WDFY1: variants seen among roughly 807,000 people sequenced by gnomAD.
WDFY1 encodes WD repeat and FYVE domain-containing protein 1.
In WDFY1, 32 loss-of-function variants were observed where a neutral mutation model predicts 56.4. That is an observed-to-expected ratio of 0.57 (90% CI 0.43 to 0.76). WDFY1 has a LOEUF of 0.76. WDFY1 is among the 30% of genes least tolerant of loss of function. The probability of loss-of-function intolerance (pLI) is 0.00; values close to 1 mark genes in which losing one functional copy is unlikely to be tolerated. For missense variants in WDFY1, 480 were observed against 545.7 expected (o/e 0.88, Z 1.20); for synonymous variants, 192 against 197.3 (o/e 0.97, Z 0.23).
At chr2:223,928,758 T>C (rs946658317) in intron 1 of WDFY1, among the ~76,000 whole-genome samples, 2 of 152,228 alleles carry the variant, frequency 1.3e-5, no homozygotes, top group African/African-American at 4.8e-5. Context: ...GAGGCTTCAG[T>C]TGTCCATCGC....
At chr2:223,942,696 C>T (rs1689329692) in intron 1 of WDFY1, among the ~76,000 whole-genome samples, 4 of 136,994 alleles carry the variant, frequency 2.9e-5, no homozygotes, top group Non-Finnish European at 4.7e-5. Flanking sequence ...CCACCGCGCC[C>T]GGCTAATTTT....
In WDFY1 at chr2:223,880,139, G is replaced by A. The variant is rs139215571; in HGVS notation, c.1158C>T (p.Thr386=). Residue 386 remains threonine, a synonymous_variant, in exon 11 of 12, where the codon ACC becomes ACT. Coordinates refer to ENST00000233055, the MANE Select transcript of WDFY1 (RefSeq NM_020830.5). ...GCCAGCTTACCTTTACAATGCGGTCGGTCCCACAGGTCACCATCAGTCCCC... is the reference window on the plus strand; with the variant it reads ...GCCAGCTTACCTTTACAATGCGGTCAGTCCCACAGGTCACCATCAGTCCCC... ...IARGLMVTCG[T]DRIVKIWDMT... 386 of 1,613,936 alleles carry A rather than the reference G, an allele frequency of 2.4e-4. 1 individual carries two copies. The Admixed American group carries it at 2.9e-3, about 12-fold the overall frequency.
chr2:223,893,904 G>GGACCGCTA (rs1693318767), intron 8 of WDFY1, among the ~76,000 whole-genome samples: 1 of 152,202 alleles, frequency 6.6e-6, no homozygotes, highest in Admixed American at 6.5e-5. Flanking sequence ...GACCACAATG[G>GGACCGCTA]TGCTTCGGAG....
At chr2:223,880,623 A>G (rs2396031) in intron 10 of WDFY1, among the ~76,000 whole-genome samples, 5 of 133,362 alleles carry the variant, frequency 3.7e-5, no homozygotes, top group South Asian at 2.5e-4. Flanking sequence ...AAAAAAAAAA[A>G]AAAAGTAAAT....
At chr2:223,929,937 G>A (rs2106099657) in intron 1 of WDFY1, among the ~76,000 whole-genome samples, 1 of 152,298 alleles carries the variant, frequency 6.6e-6, no homozygotes, top group East Asian at 1.9e-4. Flanking sequence ...TGGTAAGTAA[G>A]TAAAACTTTT....
chr2:223,885,088 G>T (rs1693150418), intron 8 of WDFY1, among the ~76,000 whole-genome samples: 1 of 151,916 alleles, frequency 6.6e-6, no homozygotes, highest in African/African-American at 2.4e-5. Flanking sequence ...AAAGTGCTGG[G>T]ATTATAAGCA....
At chr2:223,923,709 C>T (rs1325911909) in intron 1 of WDFY1, among the ~76,000 whole-genome samples, 4 of 151,788 alleles carry the variant, frequency 2.6e-5, no homozygotes, top group Non-Finnish European at 2.9e-5. Flanking sequence ...TGCAGTGAGC[C>T]GAGATCGCGC....
intron 7 of WDFY1, 90 bp downstream of exon 7, chr2:223,895,414 T>C: frequency 6.3e-7 from 1 of 1,586,184 alleles, no homozygotes; most frequent in Non-Finnish European, 8.6e-7. Flanking sequence ...GAACGTGGGG[T>C]TTGCAGAAAG....
chr2:223,944,041 T>C lies in WDFY1; in HGVS notation c.137+1107A>G, dbSNP rs574418613. ...ATGTTAGTTTTCCTAATAAATAAGA[T>C]TTCCTTTTAAAATAAATGCATCCAA... is the stretch of plus-strand genomic sequence containing the variant. On this transcript the variant is annotated intron_variant, in intron 1 of 11. Coordinates refer to ENST00000233055, the MANE Select transcript of WDFY1 (RefSeq NM_020830.5). Among the ~76,000 whole-genome samples, 6 of 152,384 alleles carry C rather than the reference T, an allele frequency of 3.9e-5. No individual in the cohort carries two copies. In the East Asian group the frequency reaches 9.6e-4, roughly 24 times the overall value.
intron 8 of WDFY1, among the ~76,000 whole-genome samples, chr2:223,886,210 A>C (rs1456054292): frequency 6.6e-6 from 1 of 151,850 alleles, no homozygotes; most frequent in Non-Finnish European, 1.5e-5. Context: ...GTGGTGGCAC[A>C]CACCTGTAAT....
At chr2:223,936,509 T>A (rs767341533) in intron 1 of WDFY1, among the ~76,000 whole-genome samples, 4 of 152,202 alleles carry the variant, frequency 2.6e-5, no homozygotes, top group Non-Finnish European at 4.4e-5. Flanking sequence ...AGCCAGTTAA[T>A]AGGCTTTGAA....
At chr2:223,896,649 A>G (rs1191664951) in intron 6 of WDFY1, among the ~76,000 whole-genome samples, 1 of 152,220 alleles carries the variant, frequency 6.6e-6, no homozygotes, top group Non-Finnish European at 1.5e-5. Flanking sequence ...AAACTGAACC[A>G]GCCACACAAG....
At chr2:223,886,849 G>C (rs894277569) in intron 8 of WDFY1, among the ~76,000 whole-genome samples, 1 of 151,316 alleles carries the variant, frequency 6.6e-6, no homozygotes, top group Non-Finnish European at 1.5e-5. Context: ...TGGTTTGAAC[G>C]ATGGGTGCCC....
chr2:223,889,379 T>C (rs961692889), intron 8 of WDFY1, among the ~76,000 whole-genome samples: 5 of 152,150 alleles, frequency 3.3e-5, no homozygotes, highest in African/African-American at 1.2e-4. Flanking sequence ...TTATCCACTG[T>C]TATGGTCTGG....
rs370328345 is a variant in WDFY1, at chr2:223,940,606, C to T, written c.137+4542G>A. Among the ~76,000 whole-genome samples, 62 of 151,578 alleles carry T rather than the reference C, an allele frequency of 4.1e-4. 2 individuals carry two copies. The South Asian group carries it at 0.013, about 32-fold the overall frequency. On this transcript the variant is annotated intron_variant, in intron 1 of 11. Coordinates refer to ENST00000233055, the MANE Select transcript of WDFY1 (RefSeq NM_020830.5). ...TGTTTTGAACTCTTTGATGGTTCTA[C>T]ACTGCCTGCAAAATAAGGTCCAAAT...
chr2:223,928,152 G>C (rs557779908), intron 1 of WDFY1, among the ~76,000 whole-genome samples: 1 of 152,170 alleles, frequency 6.6e-6, no homozygotes, highest in Non-Finnish European at 1.5e-5. Context: ...TTGGAATATT[G>C]CAAGAATTAC....
At chr2:223,895,180 A>G (rs1693344009) in intron 7 of WDFY1, among the ~76,000 whole-genome samples, 1 of 152,202 alleles carries the variant, frequency 6.6e-6, no homozygotes, top group South Asian at 2.1e-4. Context: ...CCTCACCTGC[A>G]TCTCTATCCT....
intron 5 of WDFY1, among the ~76,000 whole-genome samples, chr2:223,900,580 T>A (rs1693490157): frequency 6.6e-6 from 1 of 152,088 alleles, no homozygotes; most frequent in South Asian, 2.1e-4. Flanking sequence ...TTTTTAGCAT[T>A]TTGGGGGATC....
chr2:223,914,132 G>C (rs1252455980), intron 2 of WDFY1, among the ~76,000 whole-genome samples: 2 of 150,642 alleles, frequency 1.3e-5, no homozygotes, highest in Non-Finnish European at 2.9e-5. Flanking sequence ...GAGTAGCTAG[G>C]ATTACAGGCA....
Sources: allele counts gnomAD v4.1 joint callset (sites outside exome capture counted in the v4.1 genomes callset), GRCh38; gene constraint gnomAD v4.1.1; transcripts MANE v1.5; gene names NCBI Gene and HGNC (gene_info 2026-07-23, HGNC 2026-07-21).